The following ZNF385B variants were observed in gnomAD, a reference collection of about 807,000 sequenced individuals.
ZNF385B encodes zinc finger protein 533.
Under a neutral mutation model 39.2 loss-of-function variants are expected in ZNF385B, and 23 were observed. The observed-to-expected ratio is 0.59, with a 90% CI of 0.42 to 0.83. ZNF385B has a LOEUF of 0.83. Among genes scored for constraint, ZNF385B ranks in the 40% least tolerant of loss-of-function variants. The pLI, the probability that ZNF385B is intolerant of heterozygous loss-of-function variation, is 0.00. For missense variants in ZNF385B, 552 were observed against 598.9 expected (o/e 0.92, Z 0.82); for synonymous variants, 205 against 222.6 (o/e 0.92, Z 0.70).
intron 5 of ZNF385B, among the ~76,000 whole-genome samples, chr2:179,493,689 A>ATG (rs1553572268): frequency 3.3e-4 from 32 of 96,152 alleles, no homozygotes; most frequent in African/African-American, 1.1e-3. Flanking sequence ...ACATATACAC[A>ATG]TATATACATA....
chr2:179,708,279 A>G (rs1190482117), intron 3 of ZNF385B, among the ~76,000 whole-genome samples: 2 of 152,140 alleles, frequency 1.3e-5, no homozygotes, highest in Admixed American at 6.5e-5. Context: ...CCTCCTTCAC[A>G]TGCTCTCCTC....
At chr2:179,771,930 A>C (rs1704036229) in intron 1 of ZNF385B, among the ~76,000 whole-genome samples, 1 of 152,162 alleles carries the variant, frequency 6.6e-6, no homozygotes, top group South Asian at 2.1e-4. Context: ...TTGAAACCTA[A>C]GCTTATATTT....
chr2:179,531,479 T>C (rs2059248362), intron 4 of ZNF385B, among the ~76,000 whole-genome samples: 2 of 151,502 alleles, frequency 1.3e-5, no homozygotes, highest in Admixed American at 6.6e-5. Context: ...CTAGTAAAAA[T>C]ACAAAAATCA....
At chr2:179,713,221 A>C (rs1700118441) in intron 3 of ZNF385B, among the ~76,000 whole-genome samples, 1 of 152,262 alleles carries the variant, frequency 6.6e-6, no homozygotes, top group Admixed American at 6.5e-5. Context: ...CTCATCCTAA[A>C]TCAAGGAACA....
intron 1 of ZNF385B, among the ~76,000 whole-genome samples, chr2:179,833,800 A>G (rs1347374617): frequency 6.6e-6 from 1 of 152,194 alleles, no homozygotes; most frequent in African/African-American, 2.4e-5. Flanking sequence ...TATCCAATAA[A>G]TAACATAACT....
intron 3 of ZNF385B, among the ~76,000 whole-genome samples, chr2:179,633,356 C>T (rs960739433): frequency 2.6e-5 from 4 of 152,046 alleles, no homozygotes; most frequent in Non-Finnish European, 4.4e-5. Flanking sequence ...TTATCCACCA[C>T]GATCAAGTCA....
chr2:179,856,728 C>T lies in ZNF385B; in HGVS notation c.-155+4373G>A, dbSNP rs1372836182. Reference sequence around the variant, plus strand: ...TGAGAAGGAATATTTAACAAAGCAACGCAACTGGCCAGAGAAAAATGTAGT... The same window carrying T: ...TGAGAAGGAATATTTAACAAAGCAATGCAACTGGCCAGAGAAAAATGTAGT... On this transcript the variant is annotated intron_variant, in intron 1 of 9. Coordinates refer to ENST00000410066, the MANE Select transcript of ZNF385B (RefSeq NM_152520.6). 6.6e-5 allele frequency among the ~76,000 whole-genome samples: 10 copies of T among 151,652 alleles called. No homozygotes were observed. The East Asian group carries it at 1.4e-3, about 21-fold the overall frequency.
At chr2:179,609,080 T>C (rs184585699) in intron 3 of ZNF385B, among the ~76,000 whole-genome samples, 4 of 152,262 alleles carry the variant, frequency 2.6e-5, no homozygotes, top group Non-Finnish European at 2.9e-5. Flanking sequence ...GTTACAAATA[T>C]CTTATTATAC....
chr2:179,634,586 C>T (rs186254940), intron 3 of ZNF385B, among the ~76,000 whole-genome samples: 152 of 152,270 alleles, frequency 1.0e-3, no homozygotes, highest in African/African-American at 3.5e-3. Context: ...GAAATGGGAA[C>T]GCTTTTACAC....
intron 3 of ZNF385B, among the ~76,000 whole-genome samples, chr2:179,667,239 C>G (rs1027974263): frequency 2.0e-5 from 3 of 152,018 alleles, no homozygotes; most frequent in Non-Finnish European, 2.9e-5. Context: ...AGTAATGCAA[C>G]AAAATAATTT....
In ZNF385B at chr2:179,483,383, C is replaced by G; in HGVS notation, c.604G>C (p.Ala202Pro). Residue 202 changes from alanine to proline, a missense_variant, in exon 6 of 10, where the codon GCA (alanine) becomes CCA (proline). Coordinates refer to ENST00000410066, the MANE Select transcript of ZNF385B (RefSeq NM_152520.6). ...KGSKHAKKVK[A>P]LDATKNKPKM... ...GGTTTATTTTTCGTTGCGTCTAGTGCTTTGACCTTCTTGGCATGTTTACTT... is the reference window on the plus strand; with the variant it reads ...GGTTTATTTTTCGTTGCGTCTAGTGGTTTGACCTTCTTGGCATGTTTACTT... 6.2e-7 allele frequency: 1 copy of G among 1,614,056 alleles called. No homozygotes were observed. The highest frequency in any genetic ancestry group is 8.5e-7 in the Non-Finnish European group (1 of 1,179,942).
intron 4 of ZNF385B, among the ~76,000 whole-genome samples, chr2:179,519,977 GATGAC>G (rs1310563654): frequency 6.6e-6 from 1 of 152,302 alleles, no homozygotes; most frequent in East Asian, 1.9e-4. Flanking sequence ...TTTCAAGAAA[GATGAC>G]AGGACAATGT....
chr2:179,730,762 T>C (rs1701337550), intron 3 of ZNF385B, among the ~76,000 whole-genome samples: 1 of 152,118 alleles, frequency 6.6e-6, no homozygotes, highest in Non-Finnish European at 1.5e-5. Flanking sequence ...TACATGCAGC[T>C]TAGTGTGAAG....
intron 3 of ZNF385B, among the ~76,000 whole-genome samples, chr2:179,599,345 T>C (rs1688236703): frequency 6.6e-6 from 1 of 152,128 alleles, no homozygotes; most frequent in Non-Finnish European, 1.5e-5. Context: ...ATGGGAAGTA[T>C]TTAAAACAGT....
intron 1 of ZNF385B, among the ~76,000 whole-genome samples, chr2:179,855,451 G>A (rs1229945251): frequency 6.6e-6 from 1 of 152,086 alleles, no homozygotes. Flanking sequence ...TCATAAAGTA[G>A]GTATGAAAGC....
intron 8 of ZNF385B, 150 bp downstream of exon 8, chr2:179,445,399 AT>A (rs770133540): frequency 2.4e-5 from 16 of 679,176 alleles, no homozygotes; most frequent in African/African-American, 3.7e-5. Context: ...TTTTTCTTCC[AT>A]GTTAGCACCT....
intron 3 of ZNF385B, among the ~76,000 whole-genome samples, chr2:179,715,128 C>T: frequency 6.6e-6 from 1 of 152,010 alleles, no homozygotes; most frequent in Middle Eastern, 3.4e-3. Context: ...AGACAAATAA[C>T]CTCACTCACT....
chr2:179,642,898 G>A (rs1692393602), intron 3 of ZNF385B, among the ~76,000 whole-genome samples: 1 of 152,086 alleles, frequency 6.6e-6, no homozygotes, highest in Admixed American at 6.6e-5. Context: ...TGGAAAGTAT[G>A]CACTAAGTAT....
chr2:179,559,164 T>C (rs572636733), intron 3 of ZNF385B, among the ~76,000 whole-genome samples: 52 of 152,224 alleles, frequency 3.4e-4, no homozygotes, highest in African/African-American at 1.2e-3. Context: ...TAAAATGAAG[T>C]AGAGTAGAGC....
Sources: allele counts gnomAD v4.1 joint callset (sites outside exome capture counted in the v4.1 genomes callset), GRCh38; gene constraint gnomAD v4.1.1; transcripts MANE v1.5; gene names NCBI Gene and HGNC (gene_info 2026-07-23, HGNC 2026-07-21).